The following ROR2 variants were observed in gnomAD, a reference collection of about 807,000 sequenced individuals.
ROR2 encodes ROR family WNT receptor 2.
A neutral mutation model predicts 74.9 loss-of-function variants in ROR2; 33 were observed. The observed-to-expected ratio is 0.44, with a 90% CI of 0.33 to 0.59. The LOEUF is 0.59. ROR2 is among the 20% of genes least tolerant of loss of function. ROR2 has a pLI of 0.02. For missense variants in ROR2, 1,216 were observed against 1,313.8 expected (o/e 0.93, Z 1.15); for synonymous variants, 586 against 558.7 (o/e 1.05, Z -0.69).
At chr9:91,734,209 G>T (rs1223347030) in intron 5 of ROR2, among the ~76,000 whole-genome samples, 1 of 152,180 alleles carries the variant, frequency 6.6e-6, no homozygotes, top group African/African-American at 2.4e-5. Flanking sequence ...ACTGGTAAGG[G>T]TGAAGAAGCT....
At chr9:91,796,743 C>CGGGGCTGACACCCTGGGCTCTGTGGGA (rs1827188619) in intron 1 of ROR2, among the ~76,000 whole-genome samples, 1 of 124,834 alleles carries the variant, frequency 8.0e-6, no homozygotes, top group Non-Finnish European at 1.7e-5. Flanking sequence ...GCTCTGTGGG[C>CGGGGCTGACACCCTGGGCTCTGTGGGA]GGGGCTGACA....
At chr9:91,840,787 C>A (rs767048920) in intron 1 of ROR2, among the ~76,000 whole-genome samples, 4 of 152,240 alleles carry the variant, frequency 2.6e-5, no homozygotes, top group African/African-American at 9.6e-5. Context: ...ATCCCCTCTG[C>A]GTGTCCAAAT....
At chr9:91,842,251 G>A (rs563606065) in intron 1 of ROR2, among the ~76,000 whole-genome samples, 28 of 152,254 alleles carry the variant, frequency 1.8e-4, no homozygotes, top group African/African-American at 6.5e-4. Context: ...CTAATTACTC[G>A]AGCATACTCC....
At chr9:91,771,216 G>A (rs1209586892) in intron 2 of ROR2, among the ~76,000 whole-genome samples, 1 of 152,192 alleles carries the variant, frequency 6.6e-6, no homozygotes, top group Non-Finnish European at 1.5e-5. Context: ...CTGAAGTCGA[G>A]AGACACAGCT....
intron 1 of ROR2, among the ~76,000 whole-genome samples, chr9:91,833,658 C>T (rs774817197): frequency 3.3e-5 from 5 of 152,148 alleles, no homozygotes; most frequent in Non-Finnish European, 4.4e-5. Flanking sequence ...ATGCCCGCCT[C>T]GAGCTGCCTG....
At chr9:91,744,971 C>G (rs2118776913) in intron 4 of ROR2, among the ~76,000 whole-genome samples, 1 of 152,330 alleles carries the variant, frequency 6.6e-6, no homozygotes, top group Non-Finnish European at 1.5e-5. Context: ...GGTGTAAGAG[C>G]TAGCCCCTGG....
In ROR2 at chr9:91,949,913, G is replaced by T. The variant is rs886043361; in HGVS notation, c.51C>A (p.Ala17=). 69 of 1,539,272 alleles carry T rather than the reference G, an allele frequency of 4.5e-5. 1 individual carries two copies. In the Admixed American group the frequency reaches 1.3e-3, roughly 30 times the overall value. The change falls in exon 1 of 9, where the codon GCC becomes GCA. Residue 17 remains alanine, a synonymous_variant. Coordinates refer to ENST00000375708, the MANE Select transcript of ROR2 (RefSeq NM_004560.4). ...LPRRPLLCIP[A]VWAAAALLLS... is the part of the protein sequence containing the mutation. ...GCAGAAGCGCGGCGGCCGCCCAGACGGCCGGGATGCACAGCAGCGGCCGCC... is the reference window on the plus strand; with the variant it reads ...GCAGAAGCGCGGCGGCCGCCCAGACTGCCGGGATGCACAGCAGCGGCCGCC...
intron 1 of ROR2, among the ~76,000 whole-genome samples, chr9:91,879,800 A>G (rs994158004): frequency 1.3e-5 from 2 of 152,082 alleles, no homozygotes; most frequent in African/African-American, 4.8e-5. Flanking sequence ...AGACAGTCCT[A>G]TTAACTTAGA....
intron 1 of ROR2, chr9:91,948,758 T>C (rs1832080283): frequency 7.1e-6 from 7 of 985,314 alleles, no homozygotes; most frequent in African/African-American, 1.7e-5. Context: ...GCCCATTTAC[T>C]AGTAAGAAGT....
chr9:91,874,187 C>G (rs1234986331), intron 1 of ROR2, among the ~76,000 whole-genome samples: 2 of 152,178 alleles, frequency 1.3e-5, no homozygotes, highest in African/African-American at 2.4e-5. Context: ...CATTTTCACT[C>G]CACTGACATG....
chr9:91,924,280 C>T (rs1475150657), intron 1 of ROR2, among the ~76,000 whole-genome samples: 3 of 152,234 alleles, frequency 2.0e-5, no homozygotes, highest in East Asian at 3.8e-4. Flanking sequence ...GGGGACTGCC[C>T]GGCCATCCCT....
intron 1 of ROR2, among the ~76,000 whole-genome samples, chr9:91,813,372 A>G (rs1176076059): frequency 6.6e-6 from 1 of 152,194 alleles, no homozygotes; most frequent in African/African-American, 2.4e-5. Context: ...TACTCTTGGT[A>G]ATGGAGGGCT....
chr9:91,916,431 T>G (rs1831137231), intron 1 of ROR2, among the ~76,000 whole-genome samples: 1 of 152,182 alleles, frequency 6.6e-6, no homozygotes, highest in Admixed American at 6.5e-5. Context: ...CCTGATGCAC[T>G]CCCTGCAGGG....
intron 1 of ROR2, among the ~76,000 whole-genome samples, chr9:91,891,357 C>T (rs936643444): frequency 2.0e-5 from 3 of 151,954 alleles, no homozygotes; most frequent in Non-Finnish European, 4.4e-5. Flanking sequence ...CAACCTCCGC[C>T]TCCCAGGTTC....
intron 1 of ROR2, among the ~76,000 whole-genome samples, chr9:91,912,483 G>A (rs959271226): frequency 2.6e-5 from 4 of 151,980 alleles, no homozygotes; most frequent in African/African-American, 9.7e-5. Flanking sequence ...TACCGTATGT[G>A]CTCCCAAAAT....
intron 1 of ROR2, among the ~76,000 whole-genome samples, chr9:91,807,238 T>C (rs573231175): frequency 1.3e-5 from 2 of 152,246 alleles, no homozygotes; most frequent in African/African-American, 4.8e-5. Context: ...GAAGCCTCCA[T>C]GAAAGGCCCA....
intron 1 of ROR2, among the ~76,000 whole-genome samples, chr9:91,806,607 T>C (rs563904136): frequency 7.9e-5 from 12 of 152,304 alleles, no homozygotes; most frequent in African/African-American, 2.6e-4. Context: ...TTTGTTTGTT[T>C]GTGACAGAGT....
intron 1 of ROR2, among the ~76,000 whole-genome samples, chr9:91,793,595 T>C (rs1035010433): frequency 6.6e-6 from 1 of 151,946 alleles, no homozygotes; most frequent in African/African-American, 2.4e-5. Flanking sequence ...ACTCTGTCTC[T>C]ACTAAAAATA....
intron 4 of ROR2, among the ~76,000 whole-genome samples, chr9:91,740,334 G>T (rs147248574): frequency 2.6e-5 from 4 of 152,058 alleles, no homozygotes; most frequent in Non-Finnish European, 5.9e-5. Context: ...GGATCACAAG[G>T]TCAGAAGATC....
Sources: allele counts gnomAD v4.1 joint callset (sites outside exome capture counted in the v4.1 genomes callset), GRCh38; gene constraint gnomAD v4.1.1; transcripts MANE v1.5; gene names NCBI Gene and HGNC (gene_info 2026-07-23, HGNC 2026-07-21).